MB21D2: variants seen among roughly 807,000 people sequenced by gnomAD.
MB21D2 encodes the protein nucleotidyltransferase MB21D2.
MB21D2 carries 9 observed loss-of-function variants against 33.3 expected under a neutral mutation model. That is an observed-to-expected ratio of 0.27 (90% CI 0.16 to 0.47). The LOEUF is 0.47. MB21D2 is among the 20% of genes least tolerant of loss of function. The probability of loss-of-function intolerance (pLI) is 0.99; values close to 1 mark genes in which losing one functional copy is unlikely to be tolerated. For missense variants in MB21D2, 540 were observed against 624.6 expected, an observed-to-expected ratio of 0.86 and a Z score of 1.44; for synonymous variants, 241 against 236.3, an observed-to-expected ratio of 1.02 and a Z score of -0.18.
rs926809796 is a variant in MB21D2 at position 192,847,633 on chromosome 3, G to C, written c.212-47983C>G. The stretch of plus-strand genomic sequence containing the variant: ...TGCTCCAAAATCAAAGTTCTTGCAG[G>C]ACAAACAACAATTCCCAATTCAACA... On this transcript the variant is annotated intron_variant, in intron 1 of 1. Transcript: ENST00000392452. Among the ~76,000 whole-genome samples the C allele has an allele frequency of 3.3e-5, 5 of 152,058 alleles. No individual in the cohort carries two copies. The East Asian group carries it at 9.6e-4, about 29-fold the overall frequency.
chr3:192,799,368 C>T lies in MB21D2; in HGVS notation c.494G>A (p.Cys165Tyr), dbSNP rs1711508288. The change falls in exon 2 of 2, where the codon TGC (cysteine) becomes TAC (tyrosine). Residue 165 changes from cysteine to tyrosine, a missense_variant. Transcript: ENST00000392452. The surrounding 1 kb of genome is among the most constrained non-coding windows in gnomAD (Gnocchi z 4.1). ...ACCATTGATGTGATCTACAATGGTG[C>T]AGCAGTCTTTCCATTTACTGATTGT... Reference protein sequence around the residue: ...EGTISKWKDCCTIVDHINGAT... With the variant: ...EGTISKWKDCYTIVDHINGAT... The T allele has an allele frequency of 6.2e-7, 1 of 1,614,120 alleles. No homozygotes were observed. The highest frequency in any genetic ancestry group is 1.7e-5 in the Admixed American group (1 of 60,016).
intron 1 of MB21D2, among the ~76,000 whole-genome samples, chr3:192,803,104 C>A (rs1421456523): frequency 6.6e-6 from 1 of 152,198 alleles, no homozygotes; most frequent in African/African-American, 2.4e-5. Flanking sequence ...TGGATTGTTA[C>A]AATCTTGTTT....
At position 192,884,390 on chromosome 3, in the gene MB21D2, G is replaced by A. The variant is rs143615102; in HGVS notation, c.211+33240C>T. Among the ~76,000 whole-genome samples the A allele has an allele frequency of 2.5e-3, 379 of 151,828 alleles. 4 individuals are homozygous for A. Among genetic ancestry groups the A allele is most frequent in the Middle Eastern group, 0.01 (3 of 294 alleles). ...TCTTTTTTGTTGTTGTTGTTGAGAC[G>A]GAGTCTTGCTCTGTCACCCAGGCTG... is the stretch of plus-strand genomic sequence containing the variant. On this transcript the variant is annotated intron_variant, in intron 1 of 1. Coordinates refer to ENST00000392452, the MANE Select transcript of MB21D2 (RefSeq NM_178496.4).
intron 1 of MB21D2, among the ~76,000 whole-genome samples, chr3:192,863,084 T>C (rs1002687550): frequency 3.9e-5 from 6 of 152,164 alleles, no homozygotes; most frequent in Non-Finnish European, 7.4e-5. Flanking sequence ...TGTATGAATT[T>C]TGAGGGGACA....
chr3:192,871,152 G>A (rs576390039), intron 1 of MB21D2, among the ~76,000 whole-genome samples: 4 of 152,080 alleles, frequency 2.6e-5, no homozygotes, highest in African/African-American at 4.8e-5. Context: ...ACGAAGGCAC[G>A]GACTGAGTCC....
intron 1 of MB21D2, among the ~76,000 whole-genome samples, chr3:192,825,034 T>C (rs1712145113): frequency 6.6e-6 from 1 of 152,190 alleles, no homozygotes; most frequent in Non-Finnish European, 1.5e-5. Context: ...TACGTGCTCA[T>C]GTTCTGCCGT....
intron 1 of MB21D2, among the ~76,000 whole-genome samples, chr3:192,812,756 C>T (rs996735613): frequency 6.6e-6 from 1 of 152,150 alleles, no homozygotes; most frequent in African/African-American, 2.4e-5. Flanking sequence ...AATTTTTAGT[C>T]AACAACCTCA....
chr3:192,876,377 A>G (rs1713428200), intron 1 of MB21D2, among the ~76,000 whole-genome samples: 1 of 152,222 alleles, frequency 6.6e-6, no homozygotes, highest in Admixed American at 6.5e-5. Context: ...CCTTCTAATT[A>G]TCTCTAGAAT....
chr3:192,909,955 A>G (rs1714305275), intron 1 of MB21D2, among the ~76,000 whole-genome samples: 2 of 147,136 alleles, frequency 1.4e-5, no homozygotes, highest in Non-Finnish European at 1.5e-5. Context: ...AAAAAAAAAA[A>G]AAAAAAAAGA....
chr3:192,805,495 G>A (rs546045251), intron 1 of MB21D2, among the ~76,000 whole-genome samples: 24 of 152,204 alleles, frequency 1.6e-4, no homozygotes, highest in African/African-American at 1.7e-4. Context: ...ATTAATTCAC[G>A]TATGGTAATG....
At chr3:192,866,584 G>A (rs1196323722) in intron 1 of MB21D2, among the ~76,000 whole-genome samples, 1 of 152,162 alleles carries the variant, frequency 6.6e-6, no homozygotes, top group Non-Finnish European at 1.5e-5. Context: ...ATGTAGACAT[G>A]CACGTACACA....
chr3:192,862,023 T>C (rs1713056038), intron 1 of MB21D2, among the ~76,000 whole-genome samples: 2 of 152,144 alleles, frequency 1.3e-5, no homozygotes, highest in Non-Finnish European at 2.9e-5. Context: ...AACAGTACAA[T>C]GCTCAAGGAA....
chr3:192,861,697 G>A (rs906120977), intron 1 of MB21D2, among the ~76,000 whole-genome samples: 6 of 152,144 alleles, frequency 3.9e-5, no homozygotes, highest in African/African-American at 1.2e-4. Flanking sequence ...CCAGCTACTC[G>A]GGAGGCTAAG....
chr3:192,847,715 A>G (rs540978397), intron 1 of MB21D2, among the ~76,000 whole-genome samples: 1 of 152,326 alleles, frequency 6.6e-6, no homozygotes, highest in South Asian at 2.1e-4. Context: ...GGCCTACCTG[A>G]CAACTTACTT....
intron 1 of MB21D2, among the ~76,000 whole-genome samples, chr3:192,909,017 AG>A (rs1714274165): frequency 1.3e-5 from 2 of 151,918 alleles, no homozygotes; most frequent in South Asian, 2.1e-4. Flanking sequence ...GCACTTTGGG[AG>A]GCCAAGGCAG....
intron 1 of MB21D2, among the ~76,000 whole-genome samples, chr3:192,899,165 G>A (rs1163581393): frequency 1.3e-5 from 2 of 152,236 alleles, no homozygotes; most frequent in African/African-American, 2.4e-5. Context: ...TAAAACGGAA[G>A]TGGTTATAGG....
chr3:192,908,832 G>C (rs1714269164), intron 1 of MB21D2, among the ~76,000 whole-genome samples: 2 of 152,014 alleles, frequency 1.3e-5, no homozygotes, highest in African/African-American at 4.8e-5. Flanking sequence ...GTAGAACCTG[G>C]GACATTTAAT....
At chr3:192,832,245 A>G (rs1712330454) in intron 1 of MB21D2, among the ~76,000 whole-genome samples, 1 of 152,230 alleles carries the variant, frequency 6.6e-6, no homozygotes, top group African/African-American at 2.4e-5. Flanking sequence ...AAACAAGATA[A>G]TATTGACACA....
In MB21D2 at chr3:192,804,472, T is replaced by A. The variant is rs111698774; in HGVS notation, c.212-4822A>T. 3.2e-3 allele frequency among the ~76,000 whole-genome samples: 487 copies of A among 151,786 alleles called. 2 individuals carry two copies. The highest frequency in any genetic ancestry group is 0.011 in the African/African-American group (472 of 41,382). On this transcript the variant is annotated intron_variant, in intron 1 of 1. Coordinates refer to ENST00000392452, the MANE Select transcript of MB21D2 (RefSeq NM_178496.4). Reference sequence around the variant, plus strand: ...ACACACACACACACACTTACATATGTTGAAGGGAGAAAGGTTTATAAAAGA... The same window carrying A: ...ACACACACACACACACTTACATATGATGAAGGGAGAAAGGTTTATAAAAGA...
Sources: allele counts gnomAD v4.1 joint callset (sites outside exome capture counted in the v4.1 genomes callset), GRCh38; gene constraint gnomAD v4.1.1; non-coding constraint Gnocchi (gnomAD v3.1); transcripts MANE v1.5; gene names NCBI Gene and HGNC (gene_info 2026-07-23, HGNC 2026-07-21).